GLI2: variants seen among roughly 807,000 people sequenced by gnomAD.
GLI2 encodes transcription activator GLI2.
In GLI2, 22 loss-of-function variants were observed where a neutral mutation model predicts 78.9. That is an observed-to-expected ratio of 0.28 (90% CI 0.20 to 0.40). The LOEUF (loss-of-function observed/expected upper bound fraction) is 0.40, where lower values mean the gene tolerates loss of function less well. GLI2 is among the 10% of genes least tolerant of loss of function. The pLI is 1.00. For missense variants in GLI2, 2,097 were observed against 2,213.2 expected (o/e 0.95, Z 1.05); for synonymous variants, 974 against 963.7 (o/e 1.01, Z -0.20).
intron 2 of GLI2, among the ~76,000 whole-genome samples, chr2:120,818,124 C>G (rs955014203): frequency 3.9e-5 from 6 of 152,182 alleles, no homozygotes; most frequent in African/African-American, 1.4e-4. Flanking sequence ...TCACAGCTGC[C>G]TGAACACTGG....
Position 120,989,679 on chromosome 2 carries a change from C to T in GLI2, c.3714C>T (p.Ser1238=). The T allele has an allele frequency of 6.2e-7, 1 of 1,613,422 alleles. No individual in the cohort carries two copies. The highest frequency in any genetic ancestry group is 8.5e-7 in the Non-Finnish European group (1 of 1,180,018). Residue 1238 remains serine (S), a synonymous_variant, in exon 14 of 14, where the codon AGC becomes AGT. Coordinates refer to ENST00000361492, the MANE Select transcript of GLI2 (RefSeq NM_001374353.1). ...ACYGQVHPQL[S]PSTISGALNQ... is the part of the protein sequence containing the mutation. ...ATGGCCAAGTCCACCCCCAGCTGAGCCCCAGCACCATCAGTGGGGCCCTCA... is the reference window on the plus strand; with the variant it reads ...ATGGCCAAGTCCACCCCCAGCTGAGTCCCAGCACCATCAGTGGGGCCCTCA...
chr2:120,894,617 G>T (rs548430782), intron 2 of GLI2, among the ~76,000 whole-genome samples: 1 of 151,782 alleles, frequency 6.6e-6, no homozygotes, highest in Non-Finnish European at 1.5e-5. Flanking sequence ...CTTGGGGGGG[G>T]GTACCAGTGA....
At position 120,774,841 on chromosome 2, in the gene GLI2, C is replaced by G. The variant is rs145475147; in HGVS notation, c.-30-22450C>G. 6.4e-3 allele frequency among the ~76,000 whole-genome samples: 979 copies of G among 152,338 alleles called. 6 individuals carry two copies. Among genetic ancestry groups the G allele is most frequent in the Non-Finnish European group, 9.3e-3 (630 of 68,036 alleles). ...GGAACTGGCAGTCCTTGCCTGAGACCTTTGCTTCCTCTGAGGGGTGACACA... is the reference window on the plus strand; with the variant it reads ...GGAACTGGCAGTCCTTGCCTGAGACGTTTGCTTCCTCTGAGGGGTGACACA... On this transcript the variant is annotated intron_variant, in intron 1 of 13. Coordinates refer to ENST00000361492, the MANE Select transcript of GLI2 (RefSeq NM_001374353.1).
chr2:120,849,292 A>G (rs1342244167), intron 2 of GLI2, among the ~76,000 whole-genome samples: 1 of 152,216 alleles, frequency 6.6e-6, no homozygotes, highest in Non-Finnish European at 1.5e-5. Flanking sequence ...TGAACTGTAC[A>G]CTTAAAAATG....
At chr2:120,900,171 C>T (rs1678184364) in intron 2 of GLI2, among the ~76,000 whole-genome samples, 1 of 152,208 alleles carries the variant, frequency 6.6e-6, no homozygotes, top group African/African-American at 2.4e-5. Context: ...TGTTTGCAGC[C>T]CCCATTGCCT....
intron 10 of GLI2, among the ~76,000 whole-genome samples, chr2:120,981,695 C>T (rs1682725542): frequency 1.3e-5 from 2 of 152,112 alleles, no homozygotes; most frequent in African/African-American, 2.4e-5. Context: ...CTCCTGAGGG[C>T]GGTTTTCATA....
intron 2 of GLI2, among the ~76,000 whole-genome samples, chr2:120,892,288 G>A (rs1162879990): frequency 6.6e-6 from 1 of 152,214 alleles, no homozygotes; most frequent in African/African-American, 2.4e-5. Flanking sequence ...TGAGCCGCCT[G>A]CTCTGGGAGG....
At chr2:120,900,696 C>T (rs1678208576) in intron 2 of GLI2, among the ~76,000 whole-genome samples, 1 of 152,154 alleles carries the variant, frequency 6.6e-6, no homozygotes, top group Non-Finnish European at 1.5e-5. Context: ...CTTTCACAGC[C>T]CCTGGGTAAA....
chr2:120,989,003 G>C lies in GLI2; in HGVS notation c.3038G>C (p.Ser1013Thr). 2 of 1,597,236 alleles carry C rather than the reference G, an allele frequency of 1.3e-6. No individual in the cohort carries two copies. Among genetic ancestry groups the C allele is most frequent in the Non-Finnish European group, 1.7e-6 (2 of 1,176,218 alleles). ...GGCGCCTACTCGCCCCGGCCGCCTA[G>C]CATCAGCGAGAACGTGGCGATGGAG... The part of the protein sequence containing the change: ...ARGAYSPRPP[S>T]ISENVAMEAV... Residue 1013 changes from serine to threonine, a missense_variant, in exon 14 of 14, where the codon AGC (serine) becomes ACC (threonine). Transcript: ENST00000361492.
At position 120,834,108 on chromosome 2, in the gene GLI2, T is replaced by C. The variant is rs1686494217; in HGVS notation, c.148+36640T>C. On this transcript the variant is annotated intron_variant, in intron 2 of 13. Transcript: ENST00000361492. ...GCATCCTCTGCACAATGTACAAAAA[T>C]GTTTTCAAATGCAGGTTTTAGCATG... 2.0e-5 allele frequency among the ~76,000 whole-genome samples: 3 copies of C among 152,122 alleles called. No homozygotes were observed. In the South Asian group the frequency reaches 6.2e-4, roughly 32 times the overall value.
intron 2 of GLI2, among the ~76,000 whole-genome samples, chr2:120,839,019 AAGGGCCT>A (rs1324089210): frequency 6.6e-6 from 1 of 152,196 alleles, no homozygotes; most frequent in Non-Finnish European, 1.5e-5. Context: ...TGCATCTGGC[AAGGGCCT>A]TCTTGCTGTG....
chr2:120,805,406 C>T lies in GLI2; in HGVS notation c.148+7938C>T, dbSNP rs201783211. Reference sequence around the variant, plus strand: ...GTGTCAGAGGACAGTGCCGGTGGCTCCTGCCCCTGTGTGCTCCCTGGGGCC... The same window carrying T: ...GTGTCAGAGGACAGTGCCGGTGGCTTCTGCCCCTGTGTGCTCCCTGGGGCC... On this transcript the variant is annotated intron_variant, in intron 2 of 13. Transcript: ENST00000361492. Among the ~76,000 whole-genome samples, 33 of 152,352 alleles carry T rather than the reference C, an allele frequency of 2.2e-4. No homozygotes were observed. The East Asian group carries it at 3.5e-3, about 16-fold the overall frequency.
chr2:120,862,791 C>T (rs968228675), intron 2 of GLI2, among the ~76,000 whole-genome samples: 13 of 152,242 alleles, frequency 8.5e-5, no homozygotes, highest in Non-Finnish European at 1.8e-4. Flanking sequence ...AGGCTGGCCC[C>T]GGCTCAGAGC....
chr2:120,956,977 G>GC (rs1392136828), intron 5 of GLI2, among the ~76,000 whole-genome samples: 1 of 151,972 alleles, frequency 6.6e-6, no homozygotes, highest in Non-Finnish European at 1.5e-5. Flanking sequence ...CCTTTCCCCT[G>GC]CCCCCCTCAG....
intron 1 of GLI2, among the ~76,000 whole-genome samples, chr2:120,759,780 C>A (rs1573350267): frequency 6.6e-6 from 1 of 152,110 alleles, no homozygotes; most frequent in African/African-American, 2.4e-5. Flanking sequence ...AAGTCCTAAC[C>A]CTCTCTTCTG....
At chr2:120,860,348 G>T (rs551337942) in intron 2 of GLI2, among the ~76,000 whole-genome samples, 4 of 152,278 alleles carry the variant, frequency 2.6e-5, no homozygotes, top group Admixed American at 2.6e-4. Flanking sequence ...ACCTACCCTG[G>T]GCTTCTTCAT....
At chr2:120,748,355 C>T (rs1471357258) in intron 1 of GLI2, among the ~76,000 whole-genome samples, 1 of 152,192 alleles carries the variant, frequency 6.6e-6, no homozygotes, top group African/African-American at 2.4e-5. Context: ...TTTTAATTAA[C>T]CAGTTTGCCT....
chr2:120,977,997 A>G (rs1275402375), intron 9 of GLI2, among the ~76,000 whole-genome samples: 1 of 152,212 alleles, frequency 6.6e-6, no homozygotes, highest in African/African-American at 2.4e-5. Context: ...TGCACCCACT[A>G]CGGGCACGTT....
chr2:120,989,230 G>C lies in GLI2; in HGVS notation c.3265G>C (p.Gly1089Arg), dbSNP rs1264996237. 2 of 1,613,042 alleles carry C rather than the reference G, an allele frequency of 1.2e-6. No homozygotes were observed. The highest frequency in any genetic ancestry group is 3.3e-5 in the Admixed American group (2 of 60,012). Reference protein sequence around the residue: ...NPRLPSPGLHGQRRMVAADSN... With the variant: ...NPRLPSPGLHRQRRMVAADSN... ...CAGACTACCCAGCCCGGGGCTGCAC[G>C]GCCAGCGCAGGATGGTGGCTGCGGA... The change falls in exon 14 of 14, where the codon GGC becomes CGC. Residue 1089 changes from glycine (G) to arginine (R), a missense_variant. Physicochemically the swap from Gly to Arg is moderately radical, Grantham distance 125. Coordinates refer to ENST00000361492, the MANE Select transcript of GLI2 (RefSeq NM_001374353.1).
Sources: gnomAD v4.1 joint callset for allele counts (sites outside exome capture counted in the v4.1 genomes callset) on GRCh38, gnomAD v4.1.1 for gene constraint, MANE v1.5 for transcripts, NCBI Gene and HGNC (gene_info 2026-07-23, HGNC 2026-07-21) for gene names.